CEACAM5: variants seen among roughly 807,000 people sequenced by gnomAD.
CEACAM5 encodes the protein cell adhesion molecule CEACAM5.
CEACAM5 carries 52 observed loss-of-function variants against 63.0 expected under a neutral mutation model. The ratio of observed to expected loss-of-function variants is 0.83; its 90% CI spans 0.66 to 1.04. CEACAM5 has a LOEUF of 1.04. CEACAM5 is among the 50% of genes least tolerant of loss of function. The pLI, the probability that CEACAM5 is intolerant of heterozygous loss-of-function variation, is 0.00. For synonymous variants in CEACAM5, 357 were observed against 351.3 expected (o/e 1.02, Z -0.18); for missense variants, 790 against 864.8 (o/e 0.91, Z 1.08).
intron 2 of CEACAM5, 65 bp from the exon 3 acceptor site, chr19:41,714,906 T>C: frequency 6.2e-7 from 1 of 1,606,930 alleles, no homozygotes; most frequent in Non-Finnish European, 8.5e-7. Context: ...CAACTCTGAT[T>C]GAAAGATGCC....
At position 41,717,661 on chromosome 19, in the gene CEACAM5, G is replaced by A; in HGVS notation, c.1165G>A (p.Gly389Arg). 1 of 1,614,210 alleles carries A rather than the reference G, an allele frequency of 6.2e-7. No individual in the cohort carries two copies. The highest frequency in any genetic ancestry group is 8.5e-7 in the Non-Finnish European group (1 of 1,180,022). ...ACTCAGTGTCACAAGGAATGATGTA[G>A]GACCCTATGAGTGTGGAATCCAGAA... is the stretch of plus-strand genomic sequence containing the variant. ...TLLSVTRNDV[G>R]PYECGIQNEL... The change falls in exon 5 of 10, where the codon GGA becomes AGA. Residue 389 changes from glycine (G) to arginine (R), a missense_variant. By Grantham distance (125) the Gly-to-Arg change is moderately radical (BLOSUM62 -2). Transcript: ENST00000221992.
At chr19:41,711,922 A>G (rs534979273) in intron 2 of CEACAM5, among the ~76,000 whole-genome samples, 1 of 152,108 alleles carries the variant, frequency 6.6e-6, no homozygotes, top group Admixed American at 6.5e-5. Flanking sequence ...GGCAATAGGG[A>G]AGGCACAGAT....
chr19:41,718,066 G>C (rs1555815360), intron 5 of CEACAM5, 62 bp from the exon 6 acceptor site: 44 of 1,590,722 alleles, frequency 2.8e-5, no homozygotes, highest in Non-Finnish European at 2.6e-6. Context: ...CCCTTTCACA[G>C]ACCAGGAGCT....
At chr19:41,722,681 TA>T (rs1555816446) in intron 8 of CEACAM5, among the ~76,000 whole-genome samples, 1 of 152,272 alleles carries the variant, frequency 6.6e-6, no homozygotes, top group Non-Finnish European at 1.5e-5. Flanking sequence ...TCTTCCTTGT[TA>T]AGGTTGAAGA....
chr19:41,726,289 A>T (rs529254446), intron 8 of CEACAM5, among the ~76,000 whole-genome samples: 1 of 152,328 alleles, frequency 6.6e-6, no homozygotes, highest in African/African-American at 2.4e-5. Flanking sequence ...CTGTCATTTC[A>T]TCTGTAAGAT....
In CEACAM5 at chr19:41,730,278, C is replaced by T. The variant is rs2072752977; in HGVS notation, c.*1131C>T. On this transcript the variant is annotated 3_prime_UTR_variant, in exon 10 of 10. Transcript: ENST00000221992. Reference sequence around the variant, plus strand: ...TACTAAAAATACAAAAAAAGTTAGCCGGGCGTGGTGGTGGGGGCCTGTAGT... The same window carrying T: ...TACTAAAAATACAAAAAAAGTTAGCTGGGCGTGGTGGTGGGGGCCTGTAGT... Among the ~76,000 whole-genome samples, 1 of 151,906 alleles carries T rather than the reference C, an allele frequency of 6.6e-6. No individual in the cohort carries two copies. Among genetic ancestry groups the T allele is most frequent in the South Asian group, 2.1e-4 (1 of 4,802 alleles).
At chr19:41,726,681 G>C (rs1312367171) in intron 8 of CEACAM5, among the ~76,000 whole-genome samples, 3 of 152,192 alleles carry the variant, frequency 2.0e-5, no homozygotes, top group African/African-American at 7.2e-5. Flanking sequence ...TTTAGATAGT[G>C]ATGCAGTTCT....
At chr19:41,711,833 G>T (rs570228147) in intron 2 of CEACAM5, among the ~76,000 whole-genome samples, 1 of 151,930 alleles carries the variant, frequency 6.6e-6, no homozygotes, top group Non-Finnish European at 1.5e-5. Context: ...CTTGAACAAG[G>T]CTGGCTGTCC....
At chr19:41,725,420 G>A (rs2072686719) in intron 8 of CEACAM5, among the ~76,000 whole-genome samples, 1 of 150,012 alleles carries the variant, frequency 6.7e-6, no homozygotes, top group Non-Finnish European at 1.5e-5. Context: ...GCACAAGCTA[G>A]AGTGCAGTGG....
At position 41,709,934 on chromosome 19, in the gene CEACAM5, C is replaced by T. The variant is rs1308387052; in HGVS notation, c.319C>T (p.Leu107=). ...GREIIYPNAS[L]LIQNIIQNDT... ...AGAGATAATATACCCCAATGCATCCCTGCTGATCCAGAACATCATCCAGAA... is the reference window on the plus strand; with the variant it reads ...AGAGATAATATACCCCAATGCATCCTTGCTGATCCAGAACATCATCCAGAA... The change falls in exon 2 of 10, where the codon CTG becomes TTG. Residue 107 remains leucine (L), a synonymous_variant. Coordinates refer to ENST00000221992, the MANE Select transcript of CEACAM5 (RefSeq NM_004363.6). The T allele has an allele frequency of 6.2e-7, 1 of 1,613,988 alleles. No individual in the cohort carries two copies. Among genetic ancestry groups the T allele is most frequent in the Non-Finnish European group, 8.5e-7 (1 of 1,180,008 alleles).
At position 41,708,647 on chromosome 19, in the gene CEACAM5, CCAGA is replaced by C. The variant is rs2072381071; in HGVS notation, c.-81_-78del. The C allele has an allele frequency of 8.2e-7, 1 of 1,218,180 alleles. No individual in the cohort carries two copies. Among genetic ancestry groups the C allele is most frequent in the South Asian group, 1.3e-5 (1 of 78,616 alleles). The allele number at this position is 1,218,180 out of a possible 1,614,324, so 75.5% of individuals were successfully genotyped here. ...GGGCAGAGGGAGGAAGGACAGCAGA[CCAGA>C]CAGTCACAGCAGCCTTGACAAAACG... On this transcript the variant is annotated 5_prime_UTR_variant, in exon 1 of 10. Coordinates refer to ENST00000221992, the MANE Select transcript of CEACAM5 (RefSeq NM_004363.6).
intron 9 of CEACAM5, among the ~76,000 whole-genome samples, chr19:41,728,458 G>T (rs1374876466): frequency 1.3e-5 from 2 of 152,154 alleles, no homozygotes; most frequent in Non-Finnish European, 2.9e-5. Context: ...TAGGACTTGG[G>T]GCTAAACCCA....
In CEACAM5 at chr19:41,727,245, TCTC is replaced by T; in HGVS notation, c.2041_2043del (p.Pro681del). The stretch of plus-strand genomic sequence containing the variant: ...GACGGACGATTCAGCATCTGGAACT[TCTC>T]CTGGTCTCTCAGCTGGGGCCACTGT... On this transcript the variant is annotated inframe_deletion, in exon 9 of 10. Coordinates refer to ENST00000221992, the MANE Select transcript of CEACAM5 (RefSeq NM_004363.6). 2 of 1,613,870 alleles carry T rather than the reference TCTC, an allele frequency of 1.2e-6. No homozygotes were observed. The highest frequency in any genetic ancestry group is 1.7e-6 in the Non-Finnish European group (2 of 1,179,722).
rs1047417068 is a variant in CEACAM5 at position 41,717,828 on chromosome 19, G to C, written c.1237+95G>C. 4.1e-6 allele frequency: 6 copies of C among 1,481,398 alleles called. No homozygotes were observed. The Admixed American group carries it at 1.1e-4, about 27-fold the overall frequency. The allele number at this position is 1,481,398 out of a possible 1,614,324, so 91.8% of individuals were successfully genotyped here. A position where few individuals can be genotyped will look rare whatever the true frequency, so the allele number is the denominator to read the frequency against. On this transcript the variant is annotated intron_variant, in intron 5 of 9. Transcript: ENST00000221992. ...TCAGTCCCTCTCAGGCCCAAGGACA[G>C]AGACTTTTACCCCTGGACATCCAGG...
Position 41,730,227 on chromosome 19 carries a change from T to C in CEACAM5, c.*1080T>C, listed in dbSNP as rs1260061328. ...CGAGGTCAGGAGATCCAGACCATCC[T>C]GGCTAACACAGTGAAACCCCGTCTC... is the stretch of plus-strand genomic sequence containing the variant. On this transcript the variant is annotated 3_prime_UTR_variant, in exon 10 of 10. Transcript: ENST00000221992. Among the ~76,000 whole-genome samples, 3 of 152,098 alleles carry C rather than the reference T, an allele frequency of 2.0e-5. No homozygotes were observed. Among genetic ancestry groups the C allele is most frequent in the Non-Finnish European group, 4.4e-5 (3 of 68,002 alleles).
Position 41,728,681 on chromosome 19 carries a change from G to A in CEACAM5, c.*37-503G>A, listed in dbSNP as rs1173429509. ...ACGTGCCTGTAATTCCAGCTACTCA[G>A]AAGGCTGAGGCAGGAGAATCGCTTG... On this transcript the variant is annotated intron_variant, in intron 9 of 9. Coordinates refer to ENST00000221992, the MANE Select transcript of CEACAM5 (RefSeq NM_004363.6). Among the ~76,000 whole-genome samples the A allele has an allele frequency of 2.6e-5, 4 of 151,638 alleles. No individual in the cohort carries two copies. In the South Asian group the frequency reaches 6.2e-4, roughly 24 times the overall value.
intron 6 of CEACAM5, 101 bp from the exon 7 acceptor site, chr19:41,719,829 C>G (rs2072588603): frequency 6.4e-7 from 1 of 1,566,964 alleles, no homozygotes; most frequent in Non-Finnish European, 8.6e-7. Context: ...TTTAAGGACT[C>G]GGGTGGGCTG....
At chr19:41,717,877 A>C (rs1298819495) in intron 5 of CEACAM5, 144 bp downstream of exon 5, 11 of 1,126,302 alleles carry the variant, frequency 9.8e-6, no homozygotes, top group East Asian at 2.4e-5. Context: ...CAGCAAATCC[A>C]TGCAGGCCCA....
At chr19:41,719,847 G>A in intron 6 of CEACAM5, 83 bp from the exon 7 acceptor site, 6 of 1,586,832 alleles carry the variant, frequency 3.8e-6, no homozygotes, top group South Asian at 1.2e-5. Flanking sequence ...CTGAAGGGTG[G>A]GAGTTGCCAA....
Sources: gnomAD v4.1 joint callset for allele counts (sites outside exome capture counted in the v4.1 genomes callset) on GRCh38, gnomAD v4.1.1 for gene constraint, MANE v1.5 for transcripts, NCBI Gene and HGNC (gene_info 2026-07-23, HGNC 2026-07-21) for gene names.